The following MMD2 variants were observed in gnomAD, a reference collection of about 807,000 sequenced individuals.
MMD2 encodes monocyte to macrophage differentiation associated 2, also known as monocyte to macrophage differentiation factor 2.
A neutral mutation model predicts 33.5 loss-of-function variants in MMD2; 30 were observed. That is an observed-to-expected ratio of 0.90 (90% CI 0.67 to 1.22). The LOEUF (loss-of-function observed/expected upper bound fraction) is 1.22, where lower values mean the gene tolerates loss of function less well. Among genes scored for constraint, MMD2 ranks in the 50% most tolerant of loss-of-function variants. MMD2 has a pLI of 0.00. For synonymous variants in MMD2, 129 were observed against 123.0 expected (o/e 1.05, Z -0.32); for missense variants, 364 against 325.4 (o/e 1.12, Z -0.91).
chr7:4,922,475 A>G (rs369757595), intron 2 of MMD2, among the ~76,000 whole-genome samples: 1 of 152,104 alleles, frequency 6.6e-6, no homozygotes, highest in East Asian at 1.9e-4. Context: ...CATTTAAAAA[A>G]AAATAAATAA....
At chr7:4,892,282 A>G in the MMD2 span, among the ~76,000 whole-genome samples, 2 of 152,212 alleles carry the variant, frequency 1.3e-5, no homozygotes, top group African/African-American at 4.8e-5. Flanking sequence ...GTGAATTAAA[A>G]GAACAAAATA....
In MMD2 at chr7:4,907,421, G is replaced by GT. The variant is rs1259671500; in HGVS notation, c.715dup (p.Thr239AsnfsTer11). 1 of 1,613,898 alleles carries GT rather than the reference G, an allele frequency of 6.2e-7. No homozygotes were observed. Among genetic ancestry groups the GT allele is most frequent in the Non-Finnish European group, 8.5e-7 (1 of 1,179,906 alleles). On this transcript the variant is annotated frameshift_variant, in exon 7 of 7. Transcript: ENST00000401401. LOFTEE classifies it high-confidence loss of function. Reference sequence around the variant, plus strand: ...TCATTTGGACACCTTGGTCTGCAGGGTGCTGGGCAGATAGAGGTACCTCCA... The same window carrying GT: ...TCATTTGGACACCTTGGTCTGCAGGGTTGCTGGGCAGATAGAGGTACCTCCA...
intron 6 of MMD2, among the ~76,000 whole-genome samples, chr7:4,908,205 G>A (rs1326637403): frequency 6.6e-6 from 1 of 150,384 alleles, no homozygotes; most frequent in Admixed American, 6.7e-5. Context: ...GCAGTAGCGA[G>A]ATCTCAGTTC....
chr7:4,918,454 G>T (rs1010630042), intron 3 of MMD2, among the ~76,000 whole-genome samples: 9 of 150,912 alleles, frequency 6.0e-5, no homozygotes, highest in Admixed American at 5.3e-4. Flanking sequence ...GAGCAAATAA[G>T]GTTTCTTTTC....
At chr7:4,944,104 C>T (rs1785984576) in intron 1 of MMD2, among the ~76,000 whole-genome samples, 1 of 151,600 alleles carries the variant, frequency 6.6e-6, no homozygotes, top group African/African-American at 2.4e-5. Context: ...CCAACACTCC[C>T]TCTCTACAAA....
intron 1 of MMD2, among the ~76,000 whole-genome samples, chr7:4,950,480 A>T (rs1466382993): frequency 1.3e-5 from 2 of 152,044 alleles, no homozygotes; most frequent in African/African-American, 4.8e-5. Flanking sequence ...CCCTGTCCCT[A>T]TTAAACACTA....
rs760182733 is a variant in MMD2, at chr7:4,909,902, G to A, written c.516C>T (p.Pro172=). ...LLCYVVMGFF[P]ALVILSMPNT... is the part of the protein sequence containing the mutation. ...TTACCATGGAGAGGATGACCAGGGC[G>A]GGGAAGAAGCCCATTACGACGTAGC... The change falls in exon 6 of 7, where the codon CCC becomes CCT. Residue 172 remains proline (P), a synonymous_variant. Transcript: ENST00000401401. 4.2e-5 allele frequency: 68 copies of A among 1,613,564 alleles called. 1 individual carries two copies. The highest frequency in any genetic ancestry group is 4.2e-4 in the Admixed American group (25 of 59,948).
chr7:4,958,414 C>T (rs996558299), intron 1 of MMD2, among the ~76,000 whole-genome samples: 3 of 152,146 alleles, frequency 2.0e-5, no homozygotes, highest in African/African-American at 7.2e-5. Context: ...GAGGGGACCA[C>T]GGAGTTCACA....
chr7:4,931,508 A>T (rs1027257999), intron 1 of MMD2, among the ~76,000 whole-genome samples: 2 of 151,640 alleles, frequency 1.3e-5, no homozygotes, highest in African/African-American at 2.4e-5. Context: ...GCTGGAGTGC[A>T]GTGGTGTGAT....
intron 6 of MMD2, among the ~76,000 whole-genome samples, chr7:4,908,367 C>G (rs1353980185): frequency 2.0e-5 from 3 of 151,954 alleles, no homozygotes; most frequent in Non-Finnish European, 2.9e-5. Context: ...GTCTCCAACT[C>G]CTGACCTGAG....
At chr7:4,919,114 T>C (rs1056595720) in intron 3 of MMD2, among the ~76,000 whole-genome samples, 18 of 149,832 alleles carry the variant, frequency 1.2e-4, no homozygotes, top group African/African-American at 4.4e-4. Flanking sequence ...AAAATAAAAA[T>C]CAAAACTGTA....
At chr7:4,956,733 A>G (rs1786390951) in intron 1 of MMD2, among the ~76,000 whole-genome samples, 2 of 152,154 alleles carry the variant, frequency 1.3e-5, no homozygotes, top group Non-Finnish European at 2.9e-5. Context: ...AGAGGTTGAG[A>G]CATCTACCAA....
At chr7:4,904,135 G>T (rs577673580), downstream of MMD2, among the ~76,000 whole-genome samples, 6 of 152,112 alleles carry the variant, frequency 3.9e-5, no homozygotes, top group Non-Finnish European at 7.4e-5. Flanking sequence ...GTTTCACCAC[G>T]TTGGCCAGGC....
chr7:4,936,822 CCT>C (rs1785753831), intron 1 of MMD2, among the ~76,000 whole-genome samples: 1 of 148,874 alleles, frequency 6.7e-6, no homozygotes. Flanking sequence ...GCAACTTCCG[CCT>C]CCCGGGTTCA....
At chr7:4,927,511 A>C (rs887377483) in intron 1 of MMD2, among the ~76,000 whole-genome samples, 1 of 152,016 alleles carries the variant, frequency 6.6e-6, no homozygotes, top group Non-Finnish European at 1.5e-5. Context: ...ATTGCACTCC[A>C]ACCTGGGCGA....
At chr7:4,927,857 G>A (rs1388382518) in intron 1 of MMD2, among the ~76,000 whole-genome samples, 3 of 152,200 alleles carry the variant, frequency 2.0e-5, no homozygotes, top group African/African-American at 7.2e-5. Context: ...AGAAGCTACA[G>A]GGCAGGGAGG....
chr7:4,950,514 C>A (rs1786213019), intron 1 of MMD2, among the ~76,000 whole-genome samples: 1 of 152,158 alleles, frequency 6.6e-6, no homozygotes, highest in African/African-American at 2.4e-5. Context: ...TACCCACCCT[C>A]ACCTGCCTCT....
At chr7:4,941,775 T>A (rs1035020442) in intron 1 of MMD2, among the ~76,000 whole-genome samples, 1 of 151,606 alleles carries the variant, frequency 6.6e-6, no homozygotes, top group African/African-American at 2.4e-5. Flanking sequence ...GTCACGGGGG[T>A]CTGGTGTCCC....
At chr7:4,920,525 C>CTT (rs1382108823) in intron 2 of MMD2, among the ~76,000 whole-genome samples, 194 bp from the exon 3 acceptor site, 18 of 151,616 alleles carry the variant, frequency 1.2e-4, no homozygotes, top group African/African-American at 4.1e-4. Context: ...TCCTTCCTTC[C>CTT]CTCCCTCCCT....
Sources: gnomAD v4.1 joint callset for allele counts (sites outside exome capture counted in the v4.1 genomes callset) on GRCh38, gnomAD v4.1.1 for gene constraint, MANE v1.5 for transcripts, NCBI Gene and HGNC (gene_info 2026-07-23, HGNC 2026-07-21) for gene names.